The following INTS12 variants were observed in gnomAD, a reference collection of about 807,000 sequenced individuals.
INTS12 encodes the protein integrator complex subunit 12, also known as PHD finger protein 22.
In INTS12, 13 loss-of-function variants were observed where a neutral mutation model predicts 41.6. The observed-to-expected ratio is 0.31, with a 90% CI of 0.20 to 0.50. The LOEUF (loss-of-function observed/expected upper bound fraction) is 0.50, where lower values mean the gene tolerates loss of function less well. INTS12 is among the 20% of genes least tolerant of loss of function. The pLI is 0.98. For synonymous variants in INTS12, 199 were observed against 191.4 expected (o/e 1.04, Z -0.33); for missense variants, 432 against 541.6 (o/e 0.80, Z 2.01).
chr4:105,708,544 T>C (rs762016772), intron 1 of INTS12, 94 bp downstream of exon 1: 178 of 985,252 alleles, frequency 1.8e-4, no homozygotes, highest in Non-Finnish European at 2.1e-4. Context: ...GCGAGGAAAC[T>C]AATACCCCAC....
chr4:105,683,232 G>A lies in INTS12; in HGVS notation c.890C>T (p.Ala297Val). The A allele has an allele frequency of 6.2e-7, 1 of 1,614,096 alleles. No individual in the cohort carries two copies. Among genetic ancestry groups the A allele is most frequent in the Non-Finnish European group, 8.5e-7 (1 of 1,179,978 alleles). Reference protein sequence around the residue: ...TSGLTGWAAFAAKTSSAGPST... With the variant: ...TSGLTGWAAFVAKTSSAGPST... ...AGGACCAGCAGAGGAAGTTTTGGCTGCAAAAGCTGCCCATCCAGTTAAGCC... is the reference window on the plus strand; with the variant it reads ...AGGACCAGCAGAGGAAGTTTTGGCTACAAAAGCTGCCCATCCAGTTAAGCC... The change falls in exon 8 of 8, where the codon GCA becomes GTA. Residue 297 changes from alanine to valine, a missense_variant. By Grantham distance (64) the Ala-to-Val change is moderately conservative. Transcript: ENST00000340139.
intron 5 of INTS12, among the ~76,000 whole-genome samples, chr4:105,692,897 G>A (rs1407848548): frequency 6.6e-6 from 1 of 152,098 alleles, no homozygotes; most frequent in African/African-American, 2.4e-5. Context: ...GCACACATAG[G>A]GTGCTCAATA....
At chr4:105,708,506 G>A in intron 1 of INTS12, 132 bp downstream of exon 1, 6 of 985,362 alleles carry the variant, frequency 6.1e-6, no homozygotes, top group Non-Finnish European at 7.2e-6. Flanking sequence ...GCACGCAACC[G>A]CCCGTAAATT....
At position 105,702,130 on chromosome 4, in the gene INTS12, C is replaced by CTTT. The variant is rs950826694; in HGVS notation, c.-10+1515_-10+1517dup. On this transcript the variant is annotated intron_variant, in intron 2 of 7. Coordinates refer to ENST00000340139, the MANE Select transcript of INTS12 (RefSeq NM_020395.4). ...TTAACTTTTTAATTTATTTCTATTT[C>CTTT]TTTTTTTTTTTTTTTTTTTTTTTGA... 3.8e-3 allele frequency among the ~76,000 whole-genome samples: 415 copies of CTTT among 109,486 alleles called. 4 individuals carry two copies. The highest frequency in any genetic ancestry group is 6.6e-3 in the Middle Eastern group (1 of 152). The allele number at this position is 109,486 out of a possible 152,430, so 71.8% of individuals were successfully genotyped here. A position where few individuals can be genotyped will look rare whatever the true frequency, so the allele number is the denominator to read the frequency against.
intron 2 of INTS12, among the ~76,000 whole-genome samples, chr4:105,702,203 T>C (rs1732104543): frequency 6.8e-6 from 1 of 146,272 alleles, no homozygotes; most frequent in Non-Finnish European, 1.5e-5. Context: ...TGGCATGATC[T>C]CGGCTCATGG....
chr4:105,692,210 G>A (rs1357649695), intron 5 of INTS12, 75 bp from the exon 6 acceptor site: 6 of 1,397,164 alleles, frequency 4.3e-6, no homozygotes, highest in South Asian at 2.6e-5. Flanking sequence ...GGGGCCAGGT[G>A]TGCTGGCTCA....
chr4:105,705,500 A>C (rs1732234819), intron 1 of INTS12: 1 of 152,368 alleles, frequency 6.6e-6, no homozygotes, highest in Non-Finnish European at 1.5e-5. Flanking sequence ...CTTCAATGAA[A>C]CTGGTCCCTG....
intron 6 of INTS12, among the ~76,000 whole-genome samples, chr4:105,691,696 T>A (rs148633669): frequency 6.6e-6 from 1 of 152,232 alleles, no homozygotes; most frequent in Non-Finnish European, 1.5e-5. Flanking sequence ...TGTCAATACA[T>A]TGACAGACTA....
At chr4:105,704,668 C>T (rs368542851) in intron 1 of INTS12, among the ~76,000 whole-genome samples, 21 of 152,316 alleles carry the variant, frequency 1.4e-4, no homozygotes, top group African/African-American at 4.8e-4. Context: ...TCCTATGCAA[C>T]GTGTCTCCAA....
chr4:105,694,122 T>C (rs952076556), intron 4 of INTS12, among the ~76,000 whole-genome samples: 10 of 152,142 alleles, frequency 6.6e-5, no homozygotes. Flanking sequence ...AAAGGAGAAA[T>C]ATCTAATTGT....
rs1201988630 is a variant in INTS12 at position 105,692,111 on chromosome 4, A to C, written c.522T>G (p.Asn174Lys). The change falls in exon 6 of 8, where the codon AAT (asparagine) becomes AAG (lysine). Residue 174 changes from asparagine to lysine, a missense_variant. Around this residue, in one of 3 missense-constraint regions of INTS12, gnomAD observed 6 missense variants for 32.7 expected, o/e 0.18. Coordinates refer to ENST00000340139, the MANE Select transcript of INTS12 (RefSeq NM_020395.4). The part of the protein sequence containing the change: ...VCRQMMVASG[N>K]QLVECQECHN... Reference sequence around the variant, plus strand: ...GGCACTCCTGACATTCTACTAATTGATTGCCAGATGCCACCATCATTTGCC... The same window carrying C: ...GGCACTCCTGACATTCTACTAATTGCTTGCCAGATGCCACCATCATTTGCC... 6.2e-7 allele frequency: 1 copy of C among 1,610,790 alleles called. No individual in the cohort carries two copies. Among genetic ancestry groups the C allele is most frequent in the Non-Finnish European group, 8.5e-7 (1 of 1,178,734 alleles).
At chr4:105,684,578 G>C (rs916306454) in intron 7 of INTS12, among the ~76,000 whole-genome samples, 1 of 152,074 alleles carries the variant, frequency 6.6e-6, no homozygotes, top group African/African-American at 2.4e-5. Context: ...ATTTATAAGA[G>C]AAGGAATCCA....
chr4:105,692,199 A>G, intron 5 of INTS12, 64 bp from the exon 6 acceptor site: 1 of 1,485,178 alleles, frequency 6.7e-7, no homozygotes, highest in Non-Finnish European at 9.2e-7. Flanking sequence ...AAGTTATTTC[A>G]GGGGCCAGGT....
At chr4:105,707,914 C>T (rs573831429) in intron 1 of INTS12, 1 of 973,624 alleles carries the variant, frequency 1.0e-6, no homozygotes, top group Non-Finnish European at 1.2e-6. Context: ...CATTTTTCAC[C>T]CTACCTGGCA....
intron 1 of INTS12, chr4:105,707,883 G>A (rs1387267460): frequency 1.3e-6 from 1 of 784,216 alleles, no homozygotes; most frequent in Non-Finnish European, 1.5e-6. Flanking sequence ...ATAAATATAA[G>A]TATGTGCTTT....
chr4:105,702,712 T>C (rs1169681173), intron 2 of INTS12, among the ~76,000 whole-genome samples: 3 of 152,206 alleles, frequency 2.0e-5, no homozygotes, highest in Non-Finnish European at 4.4e-5. Context: ...ATTCCCATTC[T>C]ACTTGTTCTT....
Position 105,686,816 on chromosome 4 carries a change from G to A in INTS12, c.680C>T (p.Pro227Leu), listed in dbSNP as rs368243689. ...KRMAQKTQKP[P>L]QKPAPAVVSV... ...AACAACTGCAGGGGCTGGTTTCTGC[G>A]GTGGTTTCTGAGTTTTTTGAGCCTG... is the stretch of plus-strand genomic sequence containing the variant. Residue 227 changes from proline to leucine, a missense_variant, in exon 7 of 8, where the codon CCG becomes CTG. This residue lies in a region of INTS12 where 258 missense variants were observed against 309.9 expected (regional missense o/e 0.83). Coordinates refer to ENST00000340139, the MANE Select transcript of INTS12 (RefSeq NM_020395.4). 25 of 1,613,560 alleles carry A rather than the reference G, an allele frequency of 1.5e-5. No individual in the cohort carries two copies. In the East Asian group the frequency reaches 2.2e-4, roughly 14 times the overall value.
At chr4:105,696,081 C>T (rs1244288072) in intron 3 of INTS12, among the ~76,000 whole-genome samples, 2 of 152,084 alleles carry the variant, frequency 1.3e-5, no homozygotes, top group East Asian at 3.9e-4. Flanking sequence ...CAAACTCCGG[C>T]CTCAAATGAT....
At chr4:105,694,396 G>C (rs567842950) in intron 4 of INTS12, among the ~76,000 whole-genome samples, 1 of 152,220 alleles carries the variant, frequency 6.6e-6, no homozygotes, top group African/African-American at 2.4e-5. Context: ...CACAATCTCT[G>C]CTCACTGTAA....
Sources: gnomAD v4.1 joint callset for allele counts (sites outside exome capture counted in the v4.1 genomes callset) on GRCh38, gnomAD v4.1.1 for gene constraint, gnomAD v4.1.1 regional missense constraint, MANE v1.5 for transcripts, NCBI Gene and HGNC (gene_info 2026-07-23, HGNC 2026-07-21) for gene names.